Variants in ASIC1 observed in about 807,000 individuals in gnomAD.
The protein encoded by ASIC1 is acid-sensing ion channel 1.
In ASIC1, 21 loss-of-function variants were observed where a neutral mutation model predicts 63.4. That is an observed-to-expected ratio of 0.33 (90% CI 0.23 to 0.48). ASIC1 has a LOEUF of 0.48. Among genes scored for constraint, ASIC1 ranks in the 20% least tolerant of loss-of-function variants. ASIC1 has a pLI of 0.99. For missense variants in ASIC1, 478 were observed against 695.5 expected (o/e 0.69, Z 3.52); for synonymous variants, 258 against 278.2 (o/e 0.93, Z 0.72).
intron 3 of ASIC1, chr12:50,073,481 G>A (rs1030080677): frequency 7.0e-7 from 1 of 1,429,168 alleles, no homozygotes; most frequent in African/African-American, 1.4e-5. Context: ...GACGGGCTGG[G>A]TGGCTGGCTC....
intron 3 of ASIC1, among the ~76,000 whole-genome samples, chr12:50,072,602 C>T (rs1296120099): frequency 1.3e-5 from 2 of 152,188 alleles, no homozygotes; most frequent in African/African-American, 4.8e-5. Flanking sequence ...CAATTTCTTC[C>T]ACCCACCAGA....
intron 1 of ASIC1, among the ~76,000 whole-genome samples, chr12:50,058,132 C>T (rs967839916): frequency 6.6e-6 from 1 of 151,900 alleles, no homozygotes; most frequent in Non-Finnish European, 1.5e-5. Flanking sequence ...ACCGCGCCCC[C>T]CCTCCATACA....
intron 1 of ASIC1, among the ~76,000 whole-genome samples, chr12:50,058,142 A>T (rs1950464303): frequency 6.7e-6 from 1 of 149,488 alleles, no homozygotes; most frequent in African/African-American, 2.5e-5. Context: ...CCCTCCATAC[A>T]TCCACCTCGG....
intron 3 of ASIC1, among the ~76,000 whole-genome samples, chr12:50,066,087 C>A (rs1439053577): frequency 6.6e-6 from 1 of 152,214 alleles, no homozygotes; most frequent in African/African-American, 2.4e-5. Flanking sequence ...GAGAAAGCTT[C>A]TGTGTAGGCA....
Position 50,081,575 on chromosome 12 carries a change from G to A in ASIC1, c.1513G>A (p.Ala505Thr), listed in dbSNP as rs1206209470. The A allele has an allele frequency of 1.9e-6, 3 of 1,614,048 alleles. No homozygotes were observed. The highest frequency in any genetic ancestry group is 2.7e-5 in the African/African-American group (2 of 74,926). Residue 505 changes from alanine to threonine, a missense_variant, in exon 12 of 12, where the codon GCC becomes ACC. Physicochemically the swap from Ala to Thr is moderately conservative, Grantham distance 58 (BLOSUM62 0). Coordinates refer to ENST00000447966, the MANE Select transcript of ASIC1 (RefSeq NM_001095.4). The part of the protein sequence containing the change: ...NPCESLRGHP[A>T]GMTYAANILP... Reference sequence around the variant, plus strand: ...GTGCGAGAGCCTTCGGGGCCACCCTGCCGGGATGACATACGCTGCCAACAT... The same window carrying A: ...GTGCGAGAGCCTTCGGGGCCACCCTACCGGGATGACATACGCTGCCAACAT...
intron 3 of ASIC1, among the ~76,000 whole-genome samples, chr12:50,062,823 C>G (rs147295711): frequency 9.4e-4 from 143 of 152,338 alleles, no homozygotes; most frequent in African/African-American, 3.3e-3. Flanking sequence ...GGATCTAGCT[C>G]AACCCCAGGG....
intron 3 of ASIC1, chr12:50,076,983 G>A (rs1284594306): frequency 1.4e-6 from 1 of 694,980 alleles, no homozygotes; most frequent in Non-Finnish European, 2.6e-6. Context: ...CATGCAGGTG[G>A]CAAAGGAGCT....
intron 11 of ASIC1, 71 bp downstream of exon 11, chr12:50,081,435 C>A: frequency 7.0e-7 from 1 of 1,427,736 alleles, no homozygotes; most frequent in Non-Finnish European, 9.6e-7. Flanking sequence ...CGTCCACCCC[C>A]GCCCACCCGC....
In ASIC1 at chr12:50,059,148, C is replaced by T. The variant is rs77090670; in HGVS notation, c.362+20C>T. On this transcript the variant is annotated intron_variant, in intron 2 of 11. Coordinates refer to ENST00000447966, the MANE Select transcript of ASIC1 (RefSeq NM_001095.4). The surrounding 1 kb of genome is among the most constrained non-coding windows in gnomAD (Gnocchi z 4.6). ...CAACAGGTGGGTGGCTCCCACCCTC[C>T]CTCAGCCCTGCTCCTGGAGTTGCTT... 1,357 of 1,609,054 alleles carry T rather than the reference C, an allele frequency of 8.4e-4. 27 individuals are homozygous for T. In the East Asian group the frequency reaches 0.029, roughly 34 times the overall value.
intron 3 of ASIC1, among the ~76,000 whole-genome samples, chr12:50,067,124 C>A (rs75624685): frequency 7.4e-6 from 1 of 135,140 alleles, no homozygotes; most frequent in Non-Finnish European, 1.6e-5. Context: ...AAACATGTGT[C>A]TCTCAACTCC....
In ASIC1 at chr12:50,080,493, T is replaced by C. The variant is rs1257594822; in HGVS notation, c.1206-5T>C. The C allele has an allele frequency of 6.2e-7, 1 of 1,613,092 alleles. No homozygotes were observed. The highest frequency in any genetic ancestry group is 8.5e-7 in the Non-Finnish European group (1 of 1,179,162). On this transcript the variant is annotated splice_polypyrimidine_tract_variant and splice_region_variant and intron_variant, in intron 8 of 11. Transcript: ENST00000447966. ...CCTAGGTCTCCTCCCCCAATCCCTG[T>C]GCAGGGAGAACATCCTGGTGCTGGA...
In ASIC1 at chr12:50,079,892, C is replaced by A; in HGVS notation, c.1052-10C>A. 2.5e-6 allele frequency: 4 copies of A among 1,594,040 alleles called. No homozygotes were observed. Among genetic ancestry groups the A allele is most frequent in the Non-Finnish European group, 3.4e-6 (4 of 1,169,642 alleles). On this transcript the variant is annotated splice_polypyrimidine_tract_variant and intron_variant, in intron 7 of 11. Transcript: ENST00000447966. ...CACTCAACTGAGACCTCTCACCTGG[C>A]TGAGTGCAGACTTCCTGGTGGAGAA...
At chr12:50,068,865 G>A (rs1019022035) in intron 3 of ASIC1, among the ~76,000 whole-genome samples, 1 of 151,884 alleles carries the variant, frequency 6.6e-6, no homozygotes, top group Non-Finnish European at 1.5e-5. Context: ...TCCCACCACT[G>A]CATGTCTCTT....
chr12:50,066,916 C>T (rs555203517), intron 3 of ASIC1, among the ~76,000 whole-genome samples: 1 of 152,246 alleles, frequency 6.6e-6, no homozygotes, highest in African/African-American at 2.4e-5. Context: ...TCATCTTATT[C>T]CCTCTGCCTT....
chr12:50,081,476 C>A, intron 11 of ASIC1, 69 bp from the exon 12 acceptor site: 5 of 1,556,996 alleles, frequency 3.2e-6, no homozygotes, highest in East Asian at 2.3e-5. Context: ...CTTTGCCTCC[C>A]GAATGCCCCA....
chr12:50,077,034 C>A, intron 3 of ASIC1, 179 bp from the exon 4 acceptor site: 1 of 1,062,482 alleles, frequency 9.4e-7, no homozygotes, highest in Non-Finnish European at 1.4e-6. Context: ...CCAGGGCACA[C>A]AGAGGGCAAG....
Position 50,080,588 on chromosome 12 carries a change from G to C in ASIC1, c.1296G>C (p.Leu432=). 6 of 1,614,212 alleles carry C rather than the reference G, an allele frequency of 3.7e-6. No individual in the cohort carries two copies. Among genetic ancestry groups the C allele is most frequent in the Non-Finnish European group, 5.1e-6 (6 of 1,180,040 alleles). ...QKKAYEIAGL[L]GDIGGQMGLF... ...AGGCCTATGAGATTGCAGGGCTCCTGGGTGAGCTGCTGATGACACCTGTCC... is the reference window on the plus strand; with the variant it reads ...AGGCCTATGAGATTGCAGGGCTCCTCGGTGAGCTGCTGATGACACCTGTCC... The change falls in exon 9 of 12, where the codon CTG becomes CTC. Residue 432 remains leucine (L), a splice_region_variant and synonymous_variant. Transcript: ENST00000447966.
At chr12:50,072,749 C>T (rs1378901208) in intron 3 of ASIC1, among the ~76,000 whole-genome samples, 1 of 152,188 alleles carries the variant, frequency 6.6e-6, no homozygotes, top group Non-Finnish European at 1.5e-5. Context: ...AGAAATGAGT[C>T]TGTGGTCAGT....
At chr12:50,073,664 CCCACCA>C in intron 3 of ASIC1, 1 of 1,536,302 alleles carries the variant, frequency 6.5e-7, no homozygotes, top group Non-Finnish European at 8.7e-7. Context: ...ATTTGGGGTC[CCCACCA>C]CCATCAGCAG....
Sources: gnomAD v4.1 joint callset for allele counts (sites outside exome capture counted in the v4.1 genomes callset) on GRCh38, gnomAD v4.1.1 for gene constraint, Gnocchi (gnomAD v3.1) non-coding constraint, MANE v1.5 for transcripts, NCBI Gene and HGNC (gene_info 2026-07-23, HGNC 2026-07-21) for gene names.